The following CPEB3 variants were observed in gnomAD, a reference collection of about 807,000 sequenced individuals.
CPEB3 encodes cytoplasmic polyadenylation element-binding protein 3.
CPEB3 carries 20 observed loss-of-function variants against 67.2 expected under a neutral mutation model. That is an observed-to-expected ratio of 0.30 (90% CI 0.21 to 0.43). CPEB3 has a LOEUF of 0.43. Ranked by LOEUF, CPEB3 falls within the 20% of genes least tolerant of loss-of-function variation. The pLI, the probability that CPEB3 is intolerant of heterozygous loss-of-function variation, is 1.00. For synonymous variants in CPEB3, 376 were observed against 393.1 expected (o/e 0.96, Z 0.51); for missense variants, 746 against 968.6 (o/e 0.77, Z 3.05).
intron 6 of CPEB3, among the ~76,000 whole-genome samples, chr10:92,134,623 A>C (rs1846001402): frequency 6.6e-6 from 1 of 152,000 alleles, no homozygotes; most frequent in African/African-American, 2.4e-5. Flanking sequence ...CATCCCCATC[A>C]AGCTACCAAT....
chr10:92,153,285 G>A (rs754484691), intron 4 of CPEB3, among the ~76,000 whole-genome samples: 11 of 152,114 alleles, frequency 7.2e-5, no homozygotes, highest in Non-Finnish European at 1.2e-4. Flanking sequence ...CTCAGCACAC[G>A]AGTTTGTTTG....
At chr10:92,267,823 GTATT>G (rs1188826363) in intron 1 of CPEB3, among the ~76,000 whole-genome samples, 2 of 152,060 alleles carry the variant, frequency 1.3e-5, no homozygotes, top group African/African-American at 4.8e-5. Flanking sequence ...CCTATAAAAT[GTATT>G]TATTTATTTA....
intron 6 of CPEB3, among the ~76,000 whole-genome samples, chr10:92,115,135 C>A (rs994776814): frequency 6.6e-6 from 1 of 152,188 alleles, no homozygotes; most frequent in Non-Finnish European, 1.5e-5. Flanking sequence ...GACCGCCGGG[C>A]CACCACCGAC....
chr10:92,143,159 T>C (rs1846520005), intron 5 of CPEB3, 41 bp from the exon 6 acceptor site: 3 of 1,476,430 alleles, frequency 2.0e-6, no homozygotes, highest in Non-Finnish European at 2.8e-6. Flanking sequence ...GAGAAAAAAA[T>C]ATTGCAATCA....
At chr10:92,284,806 T>C (rs1003870674) in intron 1 of CPEB3, among the ~76,000 whole-genome samples, 2 of 152,244 alleles carry the variant, frequency 1.3e-5, no homozygotes, top group African/African-American at 4.8e-5. Context: ...TGCTCATCAT[T>C]GTATCTTCAG....
chr10:92,282,684 CA>C (rs945374260), intron 1 of CPEB3, among the ~76,000 whole-genome samples: 7 of 142,220 alleles, frequency 4.9e-5, no homozygotes, highest in South Asian at 2.2e-4. Context: ...GATCCCATCT[CA>C]AAAAAAAAAG....
intron 7 of CPEB3, among the ~76,000 whole-genome samples, chr10:92,100,623 G>A (rs1023077657): frequency 2.7e-5 from 4 of 149,940 alleles, no homozygotes; most frequent in Non-Finnish European, 5.9e-5. Context: ...ACAGAGTCTC[G>A]CTCTGTAGCC....
Position 92,192,512 on chromosome 10 carries a change from C to T in CPEB3, c.1130G>A (p.Ser377Asn). 1 of 1,614,036 alleles carries T rather than the reference C, an allele frequency of 6.2e-7. No homozygotes were observed. Among genetic ancestry groups the T allele is most frequent in the South Asian group, 1.1e-5 (1 of 91,072 alleles). ...KHYPPSGPPM[S>N]FADIMWRNHF... ...ATTCCTCCACATTATATCAGCGAAA[C>T]TCATTGGTGGGCCACTGGGAGGGTA... is the stretch of plus-strand genomic sequence containing the variant. The change falls in exon 3 of 10, where the codon AGT becomes AAT. Residue 377 changes from serine to asparagine, a missense_variant. Physicochemically the swap from Ser to Asn is conservative, Grantham distance 46. This residue lies in a region of CPEB3 where 643 missense variants were observed against 717.5 expected (regional missense o/e 0.90). Coordinates refer to ENST00000265997, the MANE Select transcript of CPEB3 (RefSeq NM_014912.5).
chr10:92,188,317 T>C (rs1269052837), intron 3 of CPEB3, among the ~76,000 whole-genome samples: 5 of 13,720 alleles, frequency 3.6e-4, no homozygotes, highest in Admixed American at 2.2e-3. Context: ...ATGTAAGACA[T>C]AGTAAAAAAA....
intron 4 of CPEB3, among the ~76,000 whole-genome samples, chr10:92,148,223 T>C (rs1412803640): frequency 6.6e-6 from 1 of 152,208 alleles, no homozygotes; most frequent in Non-Finnish European, 1.5e-5. Context: ...ACACCCCTTC[T>C]ACGTCACAGT....
rs1411560914 is a variant in CPEB3, at chr10:92,052,161, T to C, written c.*51A>G. ...TAAGCCCTGAGGCAGTGCCCTCTCT[T>C]TTCCCTCCTTGTTATCTACTCCAGT... On this transcript the variant is annotated 3_prime_UTR_variant, in exon 10 of 10. Transcript: ENST00000265997. 3.0e-6 allele frequency: 4 copies of C among 1,327,318 alleles called. No homozygotes were observed. The highest frequency in any genetic ancestry group is 4.3e-6 in the Non-Finnish European group (4 of 926,200). The allele number at this position is 1,327,318 out of a possible 1,614,324, so 82.2% of individuals were successfully genotyped here. A position where few individuals can be genotyped will look rare whatever the true frequency, so the allele number is the denominator to read the frequency against.
intron 7 of CPEB3, among the ~76,000 whole-genome samples, chr10:92,109,650 A>C (rs1242582678): frequency 6.6e-6 from 1 of 152,094 alleles, no homozygotes; most frequent in Non-Finnish European, 1.5e-5. Flanking sequence ...ACAGCCTCCA[A>C]ATTTGAAAAT....
At chr10:92,214,001 C>A (rs1200662688) in intron 2 of CPEB3, among the ~76,000 whole-genome samples, 1 of 152,190 alleles carries the variant, frequency 6.6e-6, no homozygotes, top group Non-Finnish European at 1.5e-5. Flanking sequence ...ACTCAACTTT[C>A]AACTTTTTAC....
At chr10:92,278,921 G>A (rs1446882843) in intron 1 of CPEB3, among the ~76,000 whole-genome samples, 1 of 151,496 alleles carries the variant, frequency 6.6e-6, no homozygotes, top group Non-Finnish European at 1.5e-5. Flanking sequence ...TCTAACAGGT[G>A]TTTTTATTAT....
At chr10:92,134,574 A>G (rs1002648595) in intron 6 of CPEB3, among the ~76,000 whole-genome samples, 4 of 151,992 alleles carry the variant, frequency 2.6e-5, no homozygotes, top group African/African-American at 9.7e-5. Flanking sequence ...ATATTGTGAA[A>G]ATGGCCATAC....
chr10:92,289,732 A>AAATAAAAATAT, intron 1 of CPEB3, among the ~76,000 whole-genome samples: 1 of 75,772 alleles, frequency 1.3e-5, no homozygotes, highest in Non-Finnish European at 2.6e-5. Context: ...AAAAAAAAAA[A>AAATAAAAATAT]ATATATATAT....
At chr10:92,093,324 C>A (rs1843701391) in intron 7 of CPEB3, among the ~76,000 whole-genome samples, 1 of 152,158 alleles carries the variant, frequency 6.6e-6, no homozygotes. Context: ...TGGAATTGTT[C>A]ATTTCCCCCT....
intron 4 of CPEB3, among the ~76,000 whole-genome samples, chr10:92,158,464 A>G (rs749318231): frequency 6.6e-6 from 1 of 152,074 alleles, no homozygotes; most frequent in Non-Finnish European, 1.5e-5. Context: ...ATAACTAAAA[A>G]CTGTACCATG....
In CPEB3 at chr10:92,133,862, T is replaced by C. The variant is rs956303796; in HGVS notation, c.1453+9167A>G. On this transcript the variant is annotated intron_variant, in intron 6 of 9. Coordinates refer to ENST00000265997, the MANE Select transcript of CPEB3 (RefSeq NM_014912.5). ...CCTGGGATGCAAAGCTGGTTCAACA[T>C]TGCAAATCAATAAACATAATCCATC... Among the ~76,000 whole-genome samples, 11 of 152,164 alleles carry C rather than the reference T, an allele frequency of 7.2e-5. No homozygotes were observed. The East Asian group carries it at 7.7e-4, about 11-fold the overall frequency.
Sources: allele counts gnomAD v4.1 joint callset (sites outside exome capture counted in the v4.1 genomes callset), GRCh38; gene constraint gnomAD v4.1.1; regional missense constraint gnomAD v4.1.1; transcripts MANE v1.5; gene names NCBI Gene and HGNC (gene_info 2026-07-23, HGNC 2026-07-21).